GPR137C: variants seen among roughly 807,000 people sequenced by gnomAD.
The protein encoded by GPR137C is G protein-coupled receptor 137C.
Under a neutral mutation model 43.4 loss-of-function variants are expected in GPR137C, and 27 were observed. The ratio of observed to expected loss-of-function variants is 0.62; its 90% confidence interval spans 0.46 to 0.86. The LOEUF (loss-of-function observed/expected upper bound fraction) is 0.86, where lower values mean the gene tolerates loss of function less well. GPR137C is among the 40% of genes least tolerant of loss of function. GPR137C has a pLI of 0.00. For missense variants in GPR137C, 522 were observed against 534.6 expected (o/e 0.98, Z 0.23); for synonymous variants, 285 against 226.9 (o/e 1.26, Z -2.30).
intron 3 of GPR137C, among the ~76,000 whole-genome samples, chr14:52,631,456 G>A (rs2039293254): frequency 6.6e-6 from 1 of 152,038 alleles, no homozygotes; most frequent in African/African-American, 2.4e-5. Flanking sequence ...AAAATACATA[G>A]GATTGCAAAG....
intron 1 of GPR137C, among the ~76,000 whole-genome samples, chr14:52,581,333 A>G (rs566700913): frequency 2.6e-5 from 4 of 151,668 alleles, no homozygotes; most frequent in Admixed American, 1.3e-4. Flanking sequence ...CAGGAGTTCA[A>G]CACAGGCCAG....
intron 1 of GPR137C, among the ~76,000 whole-genome samples, chr14:52,594,168 A>G (rs970710617): frequency 2.7e-5 from 4 of 150,452 alleles, no homozygotes; most frequent in African/African-American, 9.7e-5. Flanking sequence ...CCTGAGATTG[A>G]TTGCCCTGTG....
chr14:52,619,921 G>GT (rs1212269427), intron 3 of GPR137C, among the ~76,000 whole-genome samples: 1 of 152,056 alleles, frequency 6.6e-6, no homozygotes, highest in Admixed American at 6.6e-5. Context: ...AATAGTATTT[G>GT]TAAGATTATT....
At chr14:52,616,863 G>A (rs2039105690) in intron 3 of GPR137C, among the ~76,000 whole-genome samples, 2 of 152,112 alleles carry the variant, frequency 1.3e-5, no homozygotes, top group African/African-American at 4.8e-5. Flanking sequence ...TGTATCCTGG[G>A]TAGAGTCGTC....
Position 52,633,619 on chromosome 14 carries a change from A to G in GPR137C, c.957A>G (p.Val319=). 6.2e-7 allele frequency: 1 copy of G among 1,613,194 alleles called. No individual in the cohort carries two copies. The highest frequency in any genetic ancestry group is 8.5e-7 in the Non-Finnish European group (1 of 1,179,346). Residue 319 remains valine, a synonymous_variant, in exon 5 of 7, where the codon GTA becomes GTG. Coordinates refer to ENST00000321662, the MANE Select transcript of GPR137C (RefSeq NM_001099652.2). ...LWEHVPAWSV[V]LFFRAQRLNQ... Reference sequence around the variant, plus strand: ...AACATGTGCCAGCATGGTCGGTGGTACTGTTTTTCCGGGCACAGAGATTAA... The same window carrying G: ...AACATGTGCCAGCATGGTCGGTGGTGCTGTTTTTCCGGGCACAGAGATTAA...
intron 1 of GPR137C, among the ~76,000 whole-genome samples, chr14:52,574,959 T>C (rs1364361917): frequency 6.6e-6 from 1 of 152,184 alleles, no homozygotes. Context: ...GAAAACTTTT[T>C]AAAGGACAGC....
intron 3 of GPR137C, among the ~76,000 whole-genome samples, chr14:52,631,839 C>G (rs1424796926): frequency 6.6e-6 from 1 of 151,848 alleles, no homozygotes; most frequent in Non-Finnish European, 1.5e-5. Context: ...ACTAAACTAC[C>G]TCTTTGATTA....
intron 1 of GPR137C, among the ~76,000 whole-genome samples, chr14:52,581,941 G>C (rs1043769002): frequency 6.6e-6 from 1 of 152,164 alleles, no homozygotes; most frequent in East Asian, 1.9e-4. Flanking sequence ...TATCTTCAAA[G>C]CAACATGGTC....
At position 52,637,228 on chromosome 14, in the gene GPR137C, T is replaced by A. The variant is rs546302231; in HGVS notation, c.*2113T>A. 6.6e-6 allele frequency: 1 copy of A among 152,266 alleles called. No individual in the cohort carries two copies. Among genetic ancestry groups the A allele is most frequent in the Non-Finnish European group, 1.5e-5 (1 of 67,986 alleles). 9.4% of individuals were successfully genotyped at this position (152,266 alleles called of 1,614,324 possible). A position where few individuals can be genotyped will look rare whatever the true frequency, so the allele number is the denominator to read the frequency against. ...ACATATCACCAAAGACAAATAAAGA[T>A]ACACTCTGGCCCAATCTTTGCTTAA... On this transcript the variant is annotated 3_prime_UTR_variant, in exon 7 of 7. Transcript: ENST00000321662.
chr14:52,615,721 G>A (rs899651869), intron 3 of GPR137C, among the ~76,000 whole-genome samples: 2 of 152,082 alleles, frequency 1.3e-5, no homozygotes, highest in South Asian at 4.1e-4. Context: ...TTTATTTGTG[G>A]CTATTATAAA....
chr14:52,605,180 A>G (rs972338170), intron 3 of GPR137C, among the ~76,000 whole-genome samples: 14 of 152,176 alleles, frequency 9.2e-5, no homozygotes, highest in African/African-American at 2.4e-5. Context: ...GATTCTTTCA[A>G]TTAGTGAGCA....
At chr14:52,578,182 G>T (rs530245614) in intron 1 of GPR137C, among the ~76,000 whole-genome samples, 1 of 152,004 alleles carries the variant, frequency 6.6e-6, no homozygotes, top group Non-Finnish European at 1.5e-5. Flanking sequence ...CCATTTTGCC[G>T]GATATTCAAC....
intron 1 of GPR137C, among the ~76,000 whole-genome samples, chr14:52,590,453 G>T (rs2038767930): frequency 6.6e-6 from 1 of 152,124 alleles, no homozygotes; most frequent in Admixed American, 6.5e-5. Flanking sequence ...AGTGTACAAT[G>T]TTTATAAAGT....
intron 1 of GPR137C, among the ~76,000 whole-genome samples, chr14:52,576,905 A>C (rs966398176): frequency 1.3e-5 from 2 of 152,138 alleles, no homozygotes; most frequent in African/African-American, 2.4e-5. Context: ...TACTATGTAA[A>C]TAGGCTGGGC....
At chr14:52,632,415 T>G in intron 4 of GPR137C, 106 bp downstream of exon 4, 2 of 757,072 alleles carry the variant, frequency 2.6e-6, no homozygotes, top group Non-Finnish European at 4.3e-6. Flanking sequence ...ATGGAATCTC[T>G]GTCTACTGTC....
intron 1 of GPR137C, among the ~76,000 whole-genome samples, chr14:52,557,903 T>G (rs1470343907): frequency 6.6e-6 from 1 of 152,214 alleles, no homozygotes. Flanking sequence ...TAACTTGCTT[T>G]CCCGTTTTTC....
Position 52,553,599 on chromosome 14 carries a change from G to C in GPR137C, c.444+8G>C, listed in dbSNP as rs749377591. 1 of 1,555,952 alleles carries C rather than the reference G, an allele frequency of 6.4e-7. No individual in the cohort carries two copies. The highest frequency in any genetic ancestry group is 2.4e-5 in the East Asian group (1 of 41,528). On this transcript the variant is annotated splice_region_variant and intron_variant, in intron 1 of 6. Transcript: ENST00000321662. ...AACCTCTACCTGGCGGAGGTAAGGC[G>C]GGAGGGCCGGCATGCGGGGCCCGGG... is the stretch of plus-strand genomic sequence containing the variant.
In GPR137C at chr14:52,633,564, T is replaced by C. The variant is rs1323159468; in HGVS notation, c.902T>C (p.Ile301Thr). The change falls in exon 5 of 7, where the codon ATA becomes ACA. Residue 301 changes from isoleucine (I) to threonine (T), a missense_variant. Physicochemically the swap from Ile to Thr is moderately conservative, Grantham distance 89. Transcript: ENST00000321662. ...GAAGACATAAGTGGAGAAGAGTATA[T>C]AGTATTTGGAATGGTCCTCTTTCTG... ...HVEDISGEEY[I>T]VFGMVLFLWE... 2.5e-6 allele frequency: 4 copies of C among 1,611,898 alleles called. No individual in the cohort carries two copies. The highest frequency in any genetic ancestry group is 3.4e-6 in the Non-Finnish European group (4 of 1,178,324).
At chr14:52,620,921 T>C (rs2039153330) in intron 3 of GPR137C, among the ~76,000 whole-genome samples, 1 of 151,706 alleles carries the variant, frequency 6.6e-6, no homozygotes, top group Non-Finnish European at 1.5e-5. Flanking sequence ...AGACAGAAGC[T>C]CAGGAGTCTA....
Sources: gnomAD v4.1 joint callset for allele counts (sites outside exome capture counted in the v4.1 genomes callset) on GRCh38, gnomAD v4.1.1 for gene constraint, MANE v1.5 for transcripts, NCBI Gene and HGNC (gene_info 2026-07-23, HGNC 2026-07-21) for gene names.